MCC: variants seen among roughly 807,000 people sequenced by gnomAD.
The protein encoded by MCC is MCC regulator of Wnt signaling pathway.
MCC carries 90 observed loss-of-function variants against 116.2 expected under a neutral mutation model. The ratio of observed to expected loss-of-function variants is 0.77; its 90% CI spans 0.65 to 0.92. The LOEUF (loss-of-function observed/expected upper bound fraction) is 0.92. MCC is among the 40% of genes least tolerant of loss of function. The pLI is 0.00. For missense variants in MCC, 1,516 were observed against 1,312.2 expected (o/e 1.16, Z -2.40); for synonymous variants, 578 against 510.5 (o/e 1.13, Z -1.78).
chr5:113,412,176 CT>C (rs1188664220), intron 1 of MCC, among the ~76,000 whole-genome samples: 1 of 152,126 alleles, frequency 6.6e-6, no homozygotes, highest in Non-Finnish European at 1.5e-5. Flanking sequence ...TTACTGTAGC[CT>C]TATAGTATAG....
intron 11 of MCC, among the ~76,000 whole-genome samples, chr5:113,078,716 C>A (rs574563237): frequency 2.2e-4 from 33 of 152,186 alleles, no homozygotes; most frequent in African/African-American, 6.0e-4. Context: ...TGAATGGGCA[C>A]AAACTGGAAG....
intron 3 of MCC, among the ~76,000 whole-genome samples, chr5:113,304,985 GT>G (rs1581387192): frequency 6.6e-6 from 1 of 151,490 alleles, no homozygotes; most frequent in Non-Finnish European, 1.5e-5. Flanking sequence ...TAGCTAGAAT[GT>G]TACGGCAGCT....
chr5:113,433,974 T>A (rs1157247217), intron 1 of MCC: 1 of 1,613,932 alleles, frequency 6.2e-7, no homozygotes, highest in South Asian at 1.1e-5. Context: ...CCGGGAACTC[T>A]CCCCCTCCTT....
intron 3 of MCC, among the ~76,000 whole-genome samples, chr5:113,187,780 G>C (rs1371827273): frequency 4.9e-5 from 7 of 144,154 alleles, no homozygotes; most frequent in Non-Finnish European, 1.1e-4. Context: ...AAGAAAGAAA[G>C]AAAACATACC....
chr5:113,254,710 A>C (rs1048927989), intron 3 of MCC, among the ~76,000 whole-genome samples: 2 of 152,206 alleles, frequency 1.3e-5, no homozygotes, highest in Non-Finnish European at 2.9e-5. Flanking sequence ...TTTATGGTGC[A>C]TTTATATTTT....
chr5:113,486,597 G>A (rs1163863861), intron 1 of MCC, among the ~76,000 whole-genome samples: 2 of 152,138 alleles, frequency 1.3e-5, no homozygotes, highest in African/African-American at 2.4e-5. Flanking sequence ...TAATCTCAGC[G>A]CTTCCTAAGG....
At chr5:113,195,613 T>C (rs751976340) in intron 3 of MCC, among the ~76,000 whole-genome samples, 44 of 152,076 alleles carry the variant, frequency 2.9e-4, no homozygotes, top group Non-Finnish European at 5.1e-4. Context: ...AGAAAGGTAA[T>C]CTTAAGCACC....
At chr5:113,140,709 G>T (rs1456282640) in intron 5 of MCC, among the ~76,000 whole-genome samples, 1 of 152,062 alleles carries the variant, frequency 6.6e-6, no homozygotes, top group Non-Finnish European at 1.5e-5. Flanking sequence ...ATGATTTTTA[G>T]CTTCTCCAAT....
rs574099425 is a variant in MCC, at chr5:113,227,913, T to C, written c.628-76491A>G. On this transcript the variant is annotated intron_variant, in intron 3 of 18. Coordinates refer to ENST00000408903, the MANE Select transcript of MCC (RefSeq NM_001085377.2). ...GAAGACTGCTCATCAGCTGTCAGTC[T>C]GATCTTTCATTCTTGGACCAATGCA... is the stretch of plus-strand genomic sequence containing the variant. 4.6e-4 allele frequency among the ~76,000 whole-genome samples: 70 copies of C among 152,372 alleles called. 1 individual carries two copies. The South Asian group carries it at 0.014, about 31-fold the overall frequency.
At chr5:113,201,082 G>A (rs1328830832) in intron 3 of MCC, among the ~76,000 whole-genome samples, 2 of 152,020 alleles carry the variant, frequency 1.3e-5, no homozygotes, top group African/African-American at 4.8e-5. Context: ...GCTTGGAACT[G>A]GAAATAAGAA....
At chr5:113,079,146 A>G (rs1482477999) in intron 11 of MCC, among the ~76,000 whole-genome samples, 1 of 152,204 alleles carries the variant, frequency 6.6e-6, no homozygotes, top group Non-Finnish European at 1.5e-5. Context: ...ACCACTGCTC[A>G]ACGAAATAGA....
intron 1 of MCC, among the ~76,000 whole-genome samples, chr5:113,402,236 G>A (rs1303794009): frequency 6.7e-6 from 1 of 149,830 alleles, no homozygotes; most frequent in Non-Finnish European, 1.5e-5. Flanking sequence ...GGAGCTTGCA[G>A]TGAGCTGAGA....
chr5:113,455,379 C>G (rs1001196900), intron 1 of MCC, among the ~76,000 whole-genome samples: 3 of 152,160 alleles, frequency 2.0e-5, no homozygotes, highest in Non-Finnish European at 2.9e-5. Flanking sequence ...GCACTCCCCC[C>G]CACCATCACC....
chr5:113,266,812 C>A (rs76822101), intron 3 of MCC, among the ~76,000 whole-genome samples: 19 of 147,670 alleles, frequency 1.3e-4, no homozygotes, highest in East Asian at 2.0e-4. Flanking sequence ...CAAAACAAAA[C>A]AAAAAAAAAA....
chr5:113,468,574 T>C (rs1771981386), intron 1 of MCC, among the ~76,000 whole-genome samples: 1 of 152,180 alleles, frequency 6.6e-6, no homozygotes, highest in Non-Finnish European at 1.5e-5. Context: ...TGCTGCTGGA[T>C]TCGGTTTGCC....
intron 1 of MCC, among the ~76,000 whole-genome samples, chr5:113,488,039 C>T (rs763480294): frequency 7.2e-5 from 11 of 152,086 alleles, no homozygotes; most frequent in Non-Finnish European, 1.5e-4. Flanking sequence ...AAAGTTGGAC[C>T]AACTGGCACC....
intron 3 of MCC, among the ~76,000 whole-genome samples, chr5:113,306,582 GTTTAAT>G (rs1424573318): frequency 6.6e-6 from 1 of 151,950 alleles, no homozygotes; most frequent in South Asian, 2.1e-4. Context: ...TCTTTTTATT[GTTTAAT>G]TTTAAGATTT....
chr5:113,474,754 C>T (rs553169679), intron 1 of MCC, among the ~76,000 whole-genome samples: 1 of 152,212 alleles, frequency 6.6e-6, no homozygotes, highest in South Asian at 2.1e-4. Context: ...ATAAGCCGCA[C>T]TGATTTCATC....
intron 11 of MCC, among the ~76,000 whole-genome samples, chr5:113,077,426 T>C (rs961308942): frequency 1.3e-5 from 2 of 152,024 alleles, no homozygotes; most frequent in Non-Finnish European, 2.9e-5. Flanking sequence ...CCTCAGCAAA[T>C]GGAAAAGAAT....
Sources: gnomAD v4.1 joint callset for allele counts (sites outside exome capture counted in the v4.1 genomes callset) on GRCh38, gnomAD v4.1.1 for gene constraint, MANE v1.5 for transcripts, NCBI Gene and HGNC (gene_info 2026-07-23, HGNC 2026-07-21) for gene names.